SUGCT: variants seen among roughly 807,000 people sequenced by gnomAD.
SUGCT encodes the protein succinyl-CoA:glutarate CoA-transferase.
A neutral mutation model predicts 55.0 loss-of-function variants in SUGCT; 41 were observed. The observed-to-expected ratio is 0.74, with a 90% CI of 0.58 to 0.97. The LOEUF (loss-of-function observed/expected upper bound fraction) is 0.97, where lower values mean the gene tolerates loss of function less well. Among genes scored for constraint, SUGCT ranks in the 50% least tolerant of loss-of-function variants. The probability of loss-of-function intolerance (pLI) is 0.00; values close to 1 mark genes in which losing one functional copy is unlikely to be tolerated. For synonymous variants in SUGCT, 187 were observed against 200.4 expected (o/e 0.93, Z 0.56); for missense variants, 568 against 547.8 (o/e 1.04, Z -0.37).
At chr7:40,727,472 T>C (rs867159118) in intron 12 of SUGCT, among the ~76,000 whole-genome samples, 5 of 152,338 alleles carry the variant, frequency 3.3e-5, no homozygotes, top group Middle Eastern at 6.8e-3. Context: ...CTGATAGTTT[T>C]TTTATGATAT....
In SUGCT at chr7:40,150,670, C is replaced by CAACAAAACAAAACAAAACAAAACAA. The variant is rs140041088; in HGVS notation, c.100+15557_100+15581dup. Reference sequence around the variant, plus strand: ...TGGGGAACAAGAGCGAAACTACACACAACAAAACAAAACAAAACAAAACAA... The same window carrying CAACAAAACAAAACAAAACAAAACAA: ...TGGGGAACAAGAGCGAAACTACACACAACAAAACAAAACAAAACAAAACAAAACAAAACAAAACAAAACAAAACAA... On this transcript the variant is annotated intron_variant, in intron 1 of 13. Transcript: ENST00000335693. Among the ~76,000 whole-genome samples, 300 of 151,918 alleles carry CAACAAAACAAAACAAAACAAAACAA rather than the reference C, an allele frequency of 2.0e-3. 3 individuals carry two copies. The highest frequency in any genetic ancestry group is 7.1e-3 in the African/African-American group (293 of 41,314).
chr7:40,602,335 A>C (rs567664707), intron 12 of SUGCT, among the ~76,000 whole-genome samples: 1 of 152,170 alleles, frequency 6.6e-6, no homozygotes, highest in East Asian at 1.9e-4. Context: ...TAATGAAGGG[A>C]TCTGTCGGGG....
At chr7:40,537,440 T>C (rs1794425613) in intron 12 of SUGCT, among the ~76,000 whole-genome samples, 1 of 152,216 alleles carries the variant, frequency 6.6e-6, no homozygotes, top group Admixed American at 6.5e-5. Flanking sequence ...AAATAGCCAC[T>C]AATTACTTGA....
At chr7:40,765,541 A>G (rs1009173431) in intron 13 of SUGCT, among the ~76,000 whole-genome samples, 2 of 152,138 alleles carry the variant, frequency 1.3e-5, no homozygotes, top group Non-Finnish European at 2.9e-5. Context: ...GAACTATTAT[A>G]AAGTCATCTA....
intron 1 of SUGCT, among the ~76,000 whole-genome samples, chr7:40,136,228 G>C (rs1002472310): frequency 5.3e-5 from 8 of 152,076 alleles, no homozygotes; most frequent in African/African-American, 1.7e-4. Flanking sequence ...AAATTCCTGG[G>C]CTCAAGTGAT....
intron 1 of SUGCT, among the ~76,000 whole-genome samples, chr7:40,178,084 C>T (rs1212433186): frequency 6.6e-6 from 1 of 152,200 alleles, no homozygotes; most frequent in Non-Finnish European, 1.5e-5. Flanking sequence ...TTGAATCAGG[C>T]TCTAAGTGAG....
At chr7:40,697,681 A>G (rs954996588) in intron 12 of SUGCT, among the ~76,000 whole-genome samples, 2 of 152,124 alleles carry the variant, frequency 1.3e-5, no homozygotes, top group South Asian at 4.1e-4. Flanking sequence ...CAAGATGAGA[A>G]TTGTGTGATT....
intron 13 of SUGCT, among the ~76,000 whole-genome samples, chr7:40,772,609 A>ATCTATCTATCTT (rs1554418153): frequency 5.3e-5 from 8 of 149,576 alleles, no homozygotes; most frequent in African/African-American, 2.0e-4. Context: ...CTATCTATCT[A>ATCTATCTATCTT]TCTATCTATC....
intron 12 of SUGCT, among the ~76,000 whole-genome samples, chr7:40,662,674 T>C (rs560184897): frequency 6.6e-6 from 1 of 152,362 alleles, no homozygotes; most frequent in African/African-American, 2.4e-5. Context: ...TTTCATATAC[T>C]GCCTCCTCAA....
At chr7:40,661,639 C>T (rs993736566) in intron 12 of SUGCT, among the ~76,000 whole-genome samples, 7 of 152,132 alleles carry the variant, frequency 4.6e-5, no homozygotes. Flanking sequence ...TACAACTCTA[C>T]TAAAAGCTTT....
chr7:40,239,551 G>C (rs1789240358), intron 7 of SUGCT, among the ~76,000 whole-genome samples: 1 of 152,076 alleles, frequency 6.6e-6, no homozygotes, highest in Admixed American at 6.6e-5. Context: ...AAAAGATCTG[G>C]GATTTAAAAA....
chr7:40,343,926 G>A (rs1797183297), intron 9 of SUGCT, among the ~76,000 whole-genome samples: 1 of 152,176 alleles, frequency 6.6e-6, no homozygotes, highest in Admixed American at 6.5e-5. Flanking sequence ...AAAGTGCTGG[G>A]ATTACAGGCG....
chr7:40,596,295 A>G (rs1798006751), intron 12 of SUGCT, among the ~76,000 whole-genome samples: 1 of 152,192 alleles, frequency 6.6e-6, no homozygotes, highest in African/African-American at 2.4e-5. Flanking sequence ...TAGCTAAAAA[A>G]TAAAATTACA....
At chr7:40,201,490 C>T (rs1421479251) in intron 6 of SUGCT, among the ~76,000 whole-genome samples, 1 of 152,122 alleles carries the variant, frequency 6.6e-6, no homozygotes, top group African/African-American at 2.4e-5. Context: ...CCTCTTATAT[C>T]AGGAAATATT....
intron 1 of SUGCT, among the ~76,000 whole-genome samples, chr7:40,138,455 A>G (rs955893797): frequency 2.5e-4 from 38 of 152,248 alleles, no homozygotes; most frequent in African/African-American, 8.7e-4. Flanking sequence ...CGTGATAAAC[A>G]TATGAGTGCA....
At chr7:40,564,332 C>T (rs1425071247) in intron 12 of SUGCT, among the ~76,000 whole-genome samples, 1 of 152,168 alleles carries the variant, frequency 6.6e-6, no homozygotes, top group Non-Finnish European at 1.5e-5. Context: ...GCCGAGATCG[C>T]GCCACTGCAC....
In SUGCT at chr7:40,169,236, G is replaced by T. The variant is rs571853552; in HGVS notation, c.101-11711G>T. Among the ~76,000 whole-genome samples the T allele has an allele frequency of 6.6e-5, 10 of 152,258 alleles. No homozygotes were observed. The South Asian group carries it at 8.3e-4, about 13-fold the overall frequency. The stretch of plus-strand genomic sequence containing the variant: ...TGGGGCTTTCAGGCATAATTAGAAA[G>T]CCATGTGAAAAGAGTAAAGTTCCCC... On this transcript the variant is annotated intron_variant, in intron 1 of 13. Transcript: ENST00000335693.
intron 9 of SUGCT, among the ~76,000 whole-genome samples, chr7:40,376,272 A>T (rs1253235372): frequency 6.6e-6 from 1 of 152,196 alleles, no homozygotes; most frequent in African/African-American, 2.4e-5. Context: ...ATCTATGTAT[A>T]TAGCATTAAT....
At chr7:40,342,015 C>T (rs561717189) in intron 9 of SUGCT, among the ~76,000 whole-genome samples, 96 of 152,302 alleles carry the variant, frequency 6.3e-4, no homozygotes, top group Non-Finnish European at 1.1e-3. Context: ...ACATGTGGTG[C>T]AGTGGTACAT....
Sources: allele counts gnomAD v4.1 joint callset (sites outside exome capture counted in the v4.1 genomes callset), GRCh38; gene constraint gnomAD v4.1.1; transcripts MANE v1.5; gene names NCBI Gene and HGNC (gene_info 2026-07-23, HGNC 2026-07-21).